PHF21B: variants seen among roughly 807,000 people sequenced by gnomAD.
PHF21B encodes the protein PHD finger protein 4.
In PHF21B, 22 loss-of-function variants were observed where a neutral mutation model predicts 62.2. That is an observed-to-expected ratio of 0.35 (90% CI 0.25 to 0.51). The LOEUF is 0.51. Ranked by LOEUF, PHF21B falls within the 20% of genes least tolerant of loss-of-function variation. PHF21B has a pLI of 0.97. For synonymous variants in PHF21B, 341 were observed against 314.7 expected (o/e 1.08, Z -0.88); for missense variants, 701 against 707.9 (o/e 0.99, Z 0.11).
chr22:44,961,822 G>A (rs555313591), intron 2 of PHF21B, among the ~76,000 whole-genome samples: 1 of 151,456 alleles, frequency 6.6e-6, no homozygotes, highest in East Asian at 1.9e-4. Flanking sequence ...TCCAGCCTGG[G>A]TGACAGAGCG....
Position 44,885,443 on chromosome 22 carries a change from G to A in PHF21B, c.1360C>T (p.Leu454=). Residue 454 remains leucine, a synonymous_variant, in exon 12 of 13, where the codon CTG becomes TTG. Coordinates refer to ENST00000313237, the MANE Select transcript of PHF21B (RefSeq NM_138415.5). The stretch of plus-strand genomic sequence containing the variant: ...GGGCACACCTGCACTGCTGACGCCA[G>A]CCGCCGGTCCCGCTCCTCCAGCTGC... ...HQQLEERDRR[L]ASAVQKCLEL... 2 of 1,582,598 alleles carry A rather than the reference G, an allele frequency of 1.3e-6. No individual in the cohort carries two copies. The highest frequency in any genetic ancestry group is 1.8e-5 in the Admixed American group (1 of 55,604).
chr22:44,995,679 G>A (rs1446122817), intron 2 of PHF21B, among the ~76,000 whole-genome samples: 1 of 152,118 alleles, frequency 6.6e-6, no homozygotes, highest in Non-Finnish European at 1.5e-5. Context: ...AATCTTCGGC[G>A]CGTCGAGTCT....
intron 2 of PHF21B, among the ~76,000 whole-genome samples, chr22:45,006,930 G>A (rs981555296): frequency 1.3e-5 from 2 of 151,932 alleles, no homozygotes; most frequent in Admixed American, 6.5e-5. Context: ...CTGCGGAAAA[G>A]GGTCTTCCGA....
rs747299796 is a variant in PHF21B at position 44,973,252 on chromosome 22, G to A, written c.120+35293C>T. 1.2e-4 allele frequency among the ~76,000 whole-genome samples: 18 copies of A among 152,242 alleles called. No homozygotes were observed. The East Asian group carries it at 1.5e-3, about 13-fold the overall frequency. ...CTCCCTGTCCCTGGACCCTGGGTCC[G>A]CCAAAGAAGCAAAGAGAAGATTCAA... On this transcript the variant is annotated intron_variant, in intron 2 of 12. Coordinates refer to ENST00000313237, the MANE Select transcript of PHF21B (RefSeq NM_138415.5).
chr22:44,902,430 A>G (rs1264409467), intron 5 of PHF21B: 2 of 222,828 alleles, frequency 9.0e-6, no homozygotes, highest in Admixed American at 9.5e-5. Flanking sequence ...GGTGTTCTAA[A>G]TTTCTTAAGA....
intron 5 of PHF21B, among the ~76,000 whole-genome samples, chr22:44,899,543 G>A (rs536801525): frequency 1.3e-4 from 20 of 151,986 alleles, no homozygotes; most frequent in Admixed American, 7.9e-4. Flanking sequence ...TGCCTGGCTC[G>A]CCTCCCAAAG....
intron 2 of PHF21B, among the ~76,000 whole-genome samples, chr22:44,927,515 G>T (rs1217503514): frequency 6.6e-6 from 1 of 151,702 alleles, no homozygotes; most frequent in African/African-American, 2.4e-5. Flanking sequence ...TGCAAACAGG[G>T]CTGCCTTGCA....
intron 2 of PHF21B, among the ~76,000 whole-genome samples, chr22:44,922,031 G>A (rs965288032): frequency 2.0e-5 from 3 of 152,198 alleles, no homozygotes; most frequent in Non-Finnish European, 2.9e-5. Flanking sequence ...GGAACCCCTT[G>A]CTCAGATCCA....
chr22:44,929,302 T>C (rs1248197542), intron 2 of PHF21B, among the ~76,000 whole-genome samples: 1 of 152,244 alleles, frequency 6.6e-6, no homozygotes, highest in Non-Finnish European at 1.5e-5. Context: ...GGGCCGCTGC[T>C]GCTGCATGAG....
At chr22:45,000,986 G>T (rs769624926) in intron 2 of PHF21B, 4 of 152,210 alleles carry the variant, frequency 2.6e-5, no homozygotes, top group Admixed American at 2.6e-4. Flanking sequence ...AACGGAGCTC[G>T]TTCAGAGAGG....
intron 2 of PHF21B, among the ~76,000 whole-genome samples, chr22:44,937,784 C>T (rs1463733359): frequency 6.6e-6 from 1 of 152,254 alleles, no homozygotes; most frequent in Non-Finnish European, 1.5e-5. Flanking sequence ...CTCTCGATGA[C>T]ACGGAGGAGC....
chr22:44,994,388 A>G (rs2073087323), intron 2 of PHF21B, among the ~76,000 whole-genome samples: 1 of 152,122 alleles, frequency 6.6e-6, no homozygotes, highest in Non-Finnish European at 1.5e-5. Context: ...ACAGAGGCAG[A>G]GACTGGAGGG....
At chr22:44,888,614 G>A (rs2070903020) in intron 9 of PHF21B, among the ~76,000 whole-genome samples, 1 of 152,196 alleles carries the variant, frequency 6.6e-6, no homozygotes, top group South Asian at 2.1e-4. Flanking sequence ...CCAAGACCCT[G>A]TACTCGGCTC....
chr22:44,957,079 C>T (rs2072314159), intron 2 of PHF21B, among the ~76,000 whole-genome samples: 1 of 151,660 alleles, frequency 6.6e-6, no homozygotes, highest in South Asian at 2.1e-4. Context: ...GCCACCTCCA[C>T]CTCAGCACCG....
chr22:44,958,493 G>C (rs2072348360), intron 2 of PHF21B, among the ~76,000 whole-genome samples: 2 of 151,666 alleles, frequency 1.3e-5, no homozygotes, highest in African/African-American at 4.8e-5. Context: ...TCCTTAGTTA[G>C]AGATTTTCCA....
intron 2 of PHF21B, among the ~76,000 whole-genome samples, chr22:44,962,933 T>C (rs749922666): frequency 5.3e-5 from 8 of 152,196 alleles, no homozygotes; most frequent in African/African-American, 1.7e-4. Context: ...CCAAGCACCA[T>C]GATGATAAAA....
intron 2 of PHF21B, among the ~76,000 whole-genome samples, chr22:44,990,424 C>T (rs112915295): frequency 1.8e-5 from 1 of 56,696 alleles, no homozygotes; most frequent in Admixed American, 2.1e-4. Flanking sequence ...CGTGCATTGA[C>T]GGATGAATGG....
Position 44,883,253 on chromosome 22 carries a change from A to C in PHF21B, c.1429T>G (p.Ser477Ala), listed in dbSNP as rs769540887. The C allele has an allele frequency of 1.2e-6, 2 of 1,613,844 alleles. No individual in the cohort carries two copies. Among genetic ancestry groups the C allele is most frequent in the East Asian group, 2.2e-5 (1 of 44,854 alleles). The change falls in exon 13 of 13, where the codon TCA (serine) becomes GCA (alanine). Residue 477 changes from serine (S) to alanine (A), a missense_variant. By Grantham distance (99) the Ser-to-Ala change is moderately conservative. Coordinates refer to ENST00000313237, the MANE Select transcript of PHF21B (RefSeq NM_138415.5). ...AGGGCCCGCAGGCGGTCCAGGGATG[A>C]CTGGGTGCCCCTCTGGCGGGCCAGC... Reference protein sequence around the residue: ...SLLARQRGTQSSLDRLRALLR... With the variant: ...SLLARQRGTQASLDRLRALLR...
At chr22:44,982,519 C>G (rs182009867) in intron 2 of PHF21B, among the ~76,000 whole-genome samples, 4 of 152,322 alleles carry the variant, frequency 2.6e-5, no homozygotes, top group South Asian at 4.1e-4. Flanking sequence ...GTGTCCTCCC[C>G]ACTCCTCCAC....
Sources: gnomAD v4.1 joint callset for allele counts (sites outside exome capture counted in the v4.1 genomes callset) on GRCh38, gnomAD v4.1.1 for gene constraint, MANE v1.5 for transcripts, NCBI Gene and HGNC (gene_info 2026-07-23, HGNC 2026-07-21) for gene names.